The following MRC1 variants were observed in gnomAD, a reference collection of about 807,000 sequenced individuals.
MRC1 encodes mannose receptor C-type 1.
Under a neutral mutation model 102.9 loss-of-function variants are expected in MRC1, and 62 were observed. That is an observed-to-expected ratio of 0.60 (90% CI 0.49 to 0.74). The LOEUF (loss-of-function observed/expected upper bound fraction) is 0.74, where lower values mean the gene tolerates loss of function less well. Ranked by LOEUF, MRC1 falls within the 30% of genes least tolerant of loss-of-function variation. The probability of loss-of-function intolerance (pLI) is 0.00; values close to 1 mark genes in which losing one functional copy is unlikely to be tolerated. For synonymous variants in MRC1, 457 were observed against 298.4 expected (o/e 1.53, Z -5.48); for missense variants, 1,237 against 862.8 (o/e 1.43, Z -5.43).
chr10:17,891,122 T>A (rs1833666608), intron 22 of MRC1, among the ~76,000 whole-genome samples: 1 of 149,770 alleles, frequency 6.7e-6, no homozygotes, highest in Non-Finnish European at 1.5e-5. Flanking sequence ...TGGTGAGTTG[T>A]ATCACTAGTT....
At chr10:17,842,524 G>A (rs1329617888) in intron 5 of MRC1, among the ~76,000 whole-genome samples, 1 of 152,084 alleles carries the variant, frequency 6.6e-6, no homozygotes, top group Admixed American at 6.6e-5. Context: ...CTGGAATATG[G>A]GAAGACTTAC....
chr10:17,876,774 A>C (rs1833443357), intron 17 of MRC1, among the ~76,000 whole-genome samples: 2 of 152,198 alleles, frequency 1.3e-5, no homozygotes, highest in South Asian at 4.1e-4. Flanking sequence ...ATTTATTATA[A>C]TCATCTTTCT....
intron 17 of MRC1, among the ~76,000 whole-genome samples, chr10:17,875,692 T>A (rs900696147): frequency 4.6e-5 from 7 of 152,252 alleles, no homozygotes; most frequent in Non-Finnish European, 7.3e-5. Context: ...TGGTTCCATA[T>A]GTTTGCAATT....
At position 17,911,009 on chromosome 10, in the gene MRC1, G is replaced by T. The variant is rs1474046510; in HGVS notation, c.*544G>T. The T allele has an allele frequency of 6.0e-6, 1 of 165,424 alleles. No individual in the cohort carries two copies. Among genetic ancestry groups the T allele is most frequent in the African/African-American group, 2.4e-5 (1 of 41,468 alleles). The allele number at this position is 165,424 out of a possible 1,614,324, so 10.2% of individuals were successfully genotyped here. A position where few individuals can be genotyped will look rare whatever the true frequency, so the allele number is the denominator to read the frequency against. ...CAGCTGAGAATCTTGTTTCCCCCAA[G>T]AGAGTTTTACAGGCTGAGTGTTGCA... On this transcript the variant is annotated 3_prime_UTR_variant, in exon 30 of 30. Transcript: ENST00000569591.
chr10:17,886,196 T>C (rs1027182988), intron 22 of MRC1, among the ~76,000 whole-genome samples: 9,795 of 152,182 alleles, frequency 0.064, 1,050 homozygotes, highest in African/African-American at 0.22. Context: ...TCAGTTGACA[T>C]ACGTCTATGG....
At chr10:17,820,210 C>T (rs1052827524) in intron 1 of MRC1, among the ~76,000 whole-genome samples, 2,087 of 152,160 alleles carry the variant, frequency 0.014, 45 homozygotes, top group African/African-American at 0.048. Flanking sequence ...GACCCAGCCA[C>T]GTTGACACAT....
chr10:17,822,873 C>T (rs1374137411), intron 1 of MRC1, among the ~76,000 whole-genome samples: 1 of 152,124 alleles, frequency 6.6e-6, no homozygotes, highest in Non-Finnish European at 1.5e-5. Context: ...GCCCTCAGTC[C>T]AGGTTCTCCT....
chr10:17,823,840 C>A (rs1198530117), intron 2 of MRC1, among the ~76,000 whole-genome samples: 2 of 152,082 alleles, frequency 1.3e-5, no homozygotes, highest in Non-Finnish European at 2.9e-5. Flanking sequence ...ATACATTTAG[C>A]CAAATATGTC....
At chr10:17,834,501 C>T (rs1019232251) in intron 4 of MRC1, among the ~76,000 whole-genome samples, 8 of 152,186 alleles carry the variant, frequency 5.3e-5, no homozygotes, top group African/African-American at 1.9e-4. Context: ...TAACCTCCAC[C>T]TCCCGGGTTC....
chr10:17,902,217 C>G (rs1833838443), intron 26 of MRC1, 95 bp downstream of exon 26: 2 of 666,208 alleles, frequency 3.0e-6, no homozygotes, highest in Admixed American at 4.8e-5. Flanking sequence ...GTAAAAATAC[C>G]TGTTTATATT....
intron 25 of MRC1, 64 bp downstream of exon 25, chr10:17,901,017 C>T: frequency 1.3e-6 from 1 of 745,234 alleles, no homozygotes; most frequent in East Asian, 2.4e-5. Flanking sequence ...CTACATACCA[C>T]TGTTGATATT....
At chr10:17,904,811 T>G (rs1833875311) in intron 26 of MRC1, among the ~76,000 whole-genome samples, 1 of 152,222 alleles carries the variant, frequency 6.6e-6, no homozygotes, top group African/African-American at 2.4e-5. Context: ...AAGGGCACAC[T>G]TCAATGCATA....
At chr10:17,872,741 A>G (rs1222767394) in intron 15 of MRC1, among the ~76,000 whole-genome samples, 3 of 152,222 alleles carry the variant, frequency 2.0e-5, no homozygotes, top group African/African-American at 7.2e-5. Flanking sequence ...GGACTCAGAA[A>G]GTTCTGCATA....
chr10:17,812,159 G>A lies in MRC1; in HGVS notation c.61+2633G>A, dbSNP rs961359762. Among the ~76,000 whole-genome samples the A allele has an allele frequency of 4.6e-5, 7 of 152,168 alleles. No individual in the cohort carries two copies. In the South Asian group the frequency reaches 1.0e-3, roughly 23 times the overall value. ...TCTCTGTGGGCTGCTGCCAACGGAT[G>A]GGCTGGTTCTCCCTGGAGGGGTCCA... On this transcript the variant is annotated intron_variant, in intron 1 of 29. Transcript: ENST00000569591.
At position 17,823,123 on chromosome 10, in the gene MRC1, T is replaced by G. The variant is rs1838420282; in HGVS notation, c.111T>G (p.Asp37Glu). ...ATGAAGATCACAAGCGCTGCGTGGA[T>G]GCAGTGAGTCCCAGTGCCGTCCAAA... ...IYNEDHKRCV[D>E]AVSPSAVQTA... Residue 37 changes from aspartate to glutamate, a missense_variant, in exon 2 of 30, where the codon GAT (aspartate) becomes GAG (glutamate). Coordinates refer to ENST00000569591, the MANE Select transcript of MRC1 (RefSeq NM_002438.4). The G allele has an allele frequency of 1.3e-6, 1 of 780,882 alleles. No homozygotes were observed. Among genetic ancestry groups the G allele is most frequent in the Non-Finnish European group, 2.4e-6 (1 of 417,962 alleles). The allele number at this position is 780,882 out of a possible 1,614,324, so 48.4% of individuals were successfully genotyped here. A position where few individuals can be genotyped will look rare whatever the true frequency, so the allele number is the denominator to read the frequency against.
At chr10:17,893,037 CTG>C (rs1240926080) in intron 22 of MRC1, among the ~76,000 whole-genome samples, 3 of 150,730 alleles carry the variant, frequency 2.0e-5, no homozygotes, top group Non-Finnish European at 3.0e-5. Context: ...TAGAAGATAA[CTG>C]TGAAAATAAA....
At chr10:17,821,418 G>A (rs1158773786) in intron 1 of MRC1, among the ~76,000 whole-genome samples, 1 of 152,096 alleles carries the variant, frequency 6.6e-6, no homozygotes, top group Non-Finnish European at 1.5e-5. Context: ...AAAATATACT[G>A]CAGTGGTTAA....
intron 12 of MRC1, among the ~76,000 whole-genome samples, chr10:17,867,415 C>T (rs985719156): frequency 1.9e-3 from 276 of 142,262 alleles, no homozygotes; most frequent in Non-Finnish European, 2.9e-3. Flanking sequence ...TTCTTCTTTT[C>T]TCTCTCTCTC....
chr10:17,826,958 G>A (rs1284866393), intron 2 of MRC1, among the ~76,000 whole-genome samples: 1 of 152,160 alleles, frequency 6.6e-6, no homozygotes, highest in Non-Finnish European at 1.5e-5. Flanking sequence ...AGTGGTTGGA[G>A]GGGATTTAAT....
Sources: gnomAD v4.1 joint callset for allele counts (sites outside exome capture counted in the v4.1 genomes callset) on GRCh38, gnomAD v4.1.1 for gene constraint, MANE v1.5 for transcripts, NCBI Gene and HGNC (gene_info 2026-07-23, HGNC 2026-07-21) for gene names.